The following TM9SF3 variants were observed in gnomAD, a reference collection of about 807,000 sequenced individuals.
TM9SF3 encodes the protein transmembrane 9 superfamily member 3, also known as SM-11044-binding protein.
In TM9SF3, 14 loss-of-function variants were observed where a neutral mutation model predicts 78.6. The observed-to-expected ratio is 0.18, with a 90% CI of 0.12 to 0.28. The LOEUF (loss-of-function observed/expected upper bound fraction) is 0.28, where lower values mean the gene tolerates loss of function less well. TM9SF3 is among the 10% of genes least tolerant of loss of function. The probability of loss-of-function intolerance (pLI) is 1.00; values close to 1 mark genes in which losing one functional copy is unlikely to be tolerated. For synonymous variants in TM9SF3, 231 were observed against 241.7 expected, an observed-to-expected ratio of 0.96 and a Z score of 0.41; for missense variants, 496 against 721.9, an observed-to-expected ratio of 0.69 and a Z score of 3.59.
In TM9SF3 at chr10:96,543,344, C is replaced by CTTTTTT. The variant is rs398014526; in HGVS notation, c.1185+726_1185+731dup. ...ATTTACAAAAATGCTTAGTGAGATT[C>CTTTTTT]TTTTTTTTGAGATGGAGTCTGGCTC... On this transcript the variant is annotated intron_variant, in intron 9 of 14. Coordinates refer to ENST00000371142, the MANE Select transcript of TM9SF3 (RefSeq NM_020123.4). Among the ~76,000 whole-genome samples the CTTTTTT allele has an allele frequency of 7.3e-5, 10 of 136,896 alleles. 2 individuals are homozygous for CTTTTTT. The highest frequency in any genetic ancestry group is 1.5e-4 in the Admixed American group (2 of 13,254). The allele number at this position is 136,896 out of a possible 152,430, so 89.8% of individuals were successfully genotyped here. A position where few individuals can be genotyped will look rare whatever the true frequency, so the allele number is the denominator to read the frequency against.
chr10:96,580,945 T>C (rs887333087), intron 1 of TM9SF3, among the ~76,000 whole-genome samples: 5 of 152,216 alleles, frequency 3.3e-5, no homozygotes, highest in Non-Finnish European at 7.3e-5. Context: ...AAAAGGTTAG[T>C]ATTTTTGCTA....
intron 9 of TM9SF3, among the ~76,000 whole-genome samples, chr10:96,538,659 AT>A (rs1378794256): frequency 6.6e-6 from 1 of 152,234 alleles, no homozygotes; most frequent in African/African-American, 2.4e-5. Flanking sequence ...TGTATTTACA[AT>A]ATATAAGAAC....
At chr10:96,555,659 C>G (rs1848226233) in intron 5 of TM9SF3, among the ~76,000 whole-genome samples, 1 of 152,134 alleles carries the variant, frequency 6.6e-6, no homozygotes, top group South Asian at 2.1e-4. Context: ...AAGACTATTC[C>G]TTACTTCATT....
rs1847744433 is a variant in TM9SF3 at position 96,519,961 on chromosome 10, T to C, written c.*2302A>G. ...CCAAAGAACTTCAAATAGAGCTCAA[T>C]TTAGTAGAAAGAATTGGTGTACCTG... On this transcript the variant is annotated 3_prime_UTR_variant, in exon 15 of 15. Coordinates refer to ENST00000371142, the MANE Select transcript of TM9SF3 (RefSeq NM_020123.4). The C allele has an allele frequency of 6.6e-6, 1 of 151,960 alleles. No homozygotes were observed. Among genetic ancestry groups the C allele is most frequent in the Non-Finnish European group, 1.5e-5 (1 of 67,856 alleles). The allele number at this position is 151,960 out of a possible 1,614,324, so 9.4% of individuals were successfully genotyped here.
In TM9SF3 at chr10:96,584,330, G is replaced by A. The variant is rs78252272; in HGVS notation, c.102+2404C>T. Among the ~76,000 whole-genome samples the A allele has an allele frequency of 7.9e-3, 1,208 of 152,128 alleles. 20 individuals carry two copies. Among genetic ancestry groups the A allele is most frequent in the African/African-American group, 0.028 (1,156 of 41,480 alleles). ...AAACTCACTTGACATTAGCCTTTTC[G>A]GTACTACTATCTGGCTAAGAGGAAT... On this transcript the variant is annotated intron_variant, in intron 1 of 14. Transcript: ENST00000371142.
Position 96,524,578 on chromosome 10 carries a change from A to G in TM9SF3, c.1703-2248T>C, listed in dbSNP as rs76531860. On this transcript the variant is annotated intron_variant, in intron 14 of 14. Transcript: ENST00000371142. ...TGAGTACCTCAAGAATAAACTTACA[A>G]GGGCATGACTTTATAAAAAGAGAAT... is the stretch of plus-strand genomic sequence containing the variant. 7.9e-3 allele frequency among the ~76,000 whole-genome samples: 1,206 copies of G among 152,008 alleles called. 19 individuals carry two copies. The highest frequency in any genetic ancestry group is 0.028 in the African/African-American group (1,156 of 41,516).
At chr10:96,579,103 A>T (rs1848531515) in intron 1 of TM9SF3, among the ~76,000 whole-genome samples, 3 of 152,250 alleles carry the variant, frequency 2.0e-5, no homozygotes. Context: ...TCACCAAGGC[A>T]AATAGATATT....
At chr10:96,542,992 C>A (rs1448557114) in intron 9 of TM9SF3, among the ~76,000 whole-genome samples, 1 of 152,144 alleles carries the variant, frequency 6.6e-6, no homozygotes, top group Admixed American at 6.5e-5. Flanking sequence ...ATATTGTGGG[C>A]TCTAATGGCA....
intron 14 of TM9SF3, among the ~76,000 whole-genome samples, chr10:96,526,844 C>A (rs973526387): frequency 6.6e-6 from 1 of 152,082 alleles, no homozygotes; most frequent in Non-Finnish European, 1.5e-5. Context: ...TTCCATTGAA[C>A]CTAAGCTTTA....
At chr10:96,543,992 AT>A in intron 9 of TM9SF3, 83 bp downstream of exon 9, 2 of 1,388,886 alleles carry the variant, frequency 1.4e-6, no homozygotes, top group Non-Finnish European at 1.9e-6. Context: ...AAAACATCTA[AT>A]AAGAAGTATT....
intron 9 of TM9SF3, among the ~76,000 whole-genome samples, chr10:96,535,254 G>A (rs1323377111): frequency 6.6e-6 from 1 of 152,106 alleles, no homozygotes; most frequent in Non-Finnish European, 1.5e-5. Flanking sequence ...TGTGAAACCA[G>A]TTCCCTACTC....
At chr10:96,541,990 A>G (rs1848039597) in intron 9 of TM9SF3, among the ~76,000 whole-genome samples, 1 of 152,260 alleles carries the variant, frequency 6.6e-6, no homozygotes. Flanking sequence ...TTAGCTTGAA[A>G]GAAAGCCCTG....
At chr10:96,568,755 G>A (rs11188831) in intron 2 of TM9SF3, among the ~76,000 whole-genome samples, 29,233 of 151,576 alleles carry the variant, frequency 0.19, 3,076 homozygotes, top group Admixed American at 0.3. Flanking sequence ...TAGAGAAATG[G>A]GCAGAAAGGT....
chr10:96,563,155 A>G (rs1848329782), intron 3 of TM9SF3, among the ~76,000 whole-genome samples: 1 of 152,144 alleles, frequency 6.6e-6, no homozygotes, highest in Admixed American at 6.5e-5. Context: ...AGCTCACTGC[A>G]GTCTCAAACT....
Position 96,569,834 on chromosome 10 carries a change from C to T in TM9SF3, c.299-4408G>A, listed in dbSNP as rs140118942. 5.9e-3 allele frequency among the ~76,000 whole-genome samples: 901 copies of T among 152,232 alleles called. 11 individuals are homozygous for T. The highest frequency in any genetic ancestry group is 0.021 in the African/African-American group (863 of 41,524). Reference sequence around the variant, plus strand: ...AGATCACGAGGTCAGGAGATCAAGACCATCCTGGCCAACATGGTGAAACCC... The same window carrying T: ...AGATCACGAGGTCAGGAGATCAAGATCATCCTGGCCAACATGGTGAAACCC... On this transcript the variant is annotated intron_variant, in intron 2 of 14. Transcript: ENST00000371142.
chr10:96,572,545 AAGAC>A (rs1848448127), intron 2 of TM9SF3, among the ~76,000 whole-genome samples: 1 of 112,590 alleles, frequency 8.9e-6, no homozygotes, highest in African/African-American at 3.0e-5. Context: ...TTTTTTTTTT[AAGAC>A]AGAGTCTTGC....
At position 96,520,177 on chromosome 10, in the gene TM9SF3, T is replaced by TA. The variant is rs1176327835; in HGVS notation, c.*2085_*2086insT. The TA allele has an allele frequency of 6.6e-6, 1 of 151,938 alleles. No homozygotes were observed. 9.4% of individuals were successfully genotyped at this position (151,938 alleles called of 1,614,324 possible). A position where few individuals can be genotyped will look rare whatever the true frequency, so the allele number is the denominator to read the frequency against. On this transcript the variant is annotated 3_prime_UTR_variant, in exon 15 of 15. Coordinates refer to ENST00000371142, the MANE Select transcript of TM9SF3 (RefSeq NM_020123.4). Reference sequence around the variant, plus strand: ...GGTGAGAAAGAAACCAAAAAAGTACTTTATATATAGTTAAAAGGTTACATA... The same window carrying TA: ...GGTGAGAAAGAAACCAAAAAAGTACTATTATATATAGTTAAAAGGTTACATA...
Position 96,518,647 on chromosome 10 carries a change from A to G in TM9SF3, c.*3616T>C, listed in dbSNP as rs1372777253. On this transcript the variant is annotated 3_prime_UTR_variant, in exon 15 of 15. Transcript: ENST00000371142. ...TGTCTGCAGCTCCAGTAAGAATGCC[A>G]AATCAGATGGCTTTTAGGAAATGCT... 6.6e-6 allele frequency: 1 copy of G among 152,164 alleles called. No individual in the cohort carries two copies. Among genetic ancestry groups the G allele is most frequent in the African/African-American group, 2.4e-5 (1 of 41,464 alleles). 9.4% of individuals were successfully genotyped at this position (152,164 alleles called of 1,614,324 possible). A position where few individuals can be genotyped will look rare whatever the true frequency, so the allele number is the denominator to read the frequency against.
chr10:96,573,014 T>C (rs568031613), intron 2 of TM9SF3, among the ~76,000 whole-genome samples: 4 of 152,302 alleles, frequency 2.6e-5, no homozygotes, highest in African/African-American at 9.6e-5. Flanking sequence ...CACAGTCTAA[T>C]AGGTTAAAAA....
Sources: gnomAD v4.1 joint callset for allele counts (sites outside exome capture counted in the v4.1 genomes callset) on GRCh38, gnomAD v4.1.1 for gene constraint, MANE v1.5 for transcripts, NCBI Gene and HGNC (gene_info 2026-07-23, HGNC 2026-07-21) for gene names.